Variants in FBXW8 observed in about 807,000 individuals in gnomAD.
FBXW8 encodes the protein F-box/WD repeat-containing protein 8.
Under a neutral mutation model 65.3 loss-of-function variants are expected in FBXW8, and 57 were observed. That is an observed-to-expected ratio of 0.87 (90% confidence interval 0.71 to 1.09). FBXW8 has a LOEUF of 1.09. Ranked by LOEUF, FBXW8 falls within the 50% of genes least tolerant of loss-of-function variation. FBXW8 has a pLI of 0.00. For missense variants in FBXW8, 777 were observed against 814.8 expected (o/e 0.95, Z 0.57); for synonymous variants, 308 against 330.2 (o/e 0.93, Z 0.73).
chr12:116,981,764 C>T (rs1382990524), intron 5 of FBXW8, among the ~76,000 whole-genome samples: 2 of 152,010 alleles, frequency 1.3e-5, no homozygotes, highest in Non-Finnish European at 2.9e-5. Flanking sequence ...CAGGTGCCCA[C>T]CACAATGACT....
intron 4 of FBXW8, among the ~76,000 whole-genome samples, chr12:116,956,469 T>C (rs540034736): frequency 1.3e-5 from 2 of 152,142 alleles, no homozygotes; most frequent in Admixed American, 6.5e-5. Context: ...GATTCAAATA[T>C]GTTTTTATTT....
At position 116,985,278 on chromosome 12, in the gene FBXW8, A is replaced by G. The variant is rs147459619; in HGVS notation, c.908A>G (p.Gln303Arg). The change falls in exon 6 of 11, where the codon CAG becomes CGG. Residue 303 changes from glutamine to arginine, a missense_variant. Transcript: ENST00000652555. The stretch of plus-strand genomic sequence containing the variant: ...CGTTTTGAGCACGATGCAAGAATAC[A>G]GGCACTAGCCCTCAGCCAGGACGAT... The part of the protein sequence containing the change: ...VHRFEHDARI[Q>R]ALALSQDDAT... The G allele has an allele frequency of 2.7e-5, 44 of 1,614,212 alleles. No individual in the cohort carries two copies. Among genetic ancestry groups the G allele is most frequent in the Non-Finnish European group, 3.6e-5 (42 of 1,180,030 alleles).
At chr12:116,974,940 A>T (rs1483185344) in intron 5 of FBXW8, among the ~76,000 whole-genome samples, 3 of 152,254 alleles carry the variant, frequency 2.0e-5, no homozygotes, top group African/African-American at 7.2e-5. Flanking sequence ...TCTATAGGAC[A>T]GTAGAACTAA....
In FBXW8 at chr12:116,936,697, A is replaced by T. The variant is rs896230298; in HGVS notation, c.423+8570A>T. On this transcript the variant is annotated intron_variant, in intron 2 of 10. Transcript: ENST00000652555. This position sits in a 1 kb window ranked among gnomAD's most constrained non-coding sequence, Gnocchi z 4.6. ...TTTTACACTTCTGGTCTCCGGAACT[A>T]TAAGCGAATAAATCTGTATTGTTTT... 3.9e-4 allele frequency among the ~76,000 whole-genome samples: 60 copies of T among 152,324 alleles called. No individual in the cohort carries two copies. Among genetic ancestry groups the T allele is most frequent in the African/African-American group, 1.4e-3 (58 of 41,572 alleles).
chr12:116,941,031 T>C (rs1203765883), intron 2 of FBXW8, among the ~76,000 whole-genome samples: 3 of 152,246 alleles, frequency 2.0e-5, no homozygotes, highest in African/African-American at 7.2e-5. Flanking sequence ...TTTGAGGGAC[T>C]GTCAGGTGGA....
At chr12:117,009,695 T>C (rs111631375) in intron 7 of FBXW8, among the ~76,000 whole-genome samples, 3,609 of 152,284 alleles carry the variant, frequency 0.024, 148 homozygotes, top group African/African-American at 0.082. Flanking sequence ...TAACAGTGCA[T>C]TGTCTGGAAA....
chr12:116,998,244 G>A (rs1010266264), intron 7 of FBXW8, among the ~76,000 whole-genome samples: 61 of 152,192 alleles, frequency 4.0e-4, no homozygotes, highest in African/African-American at 1.2e-3. Flanking sequence ...TTCAAGATGC[G>A]AAGCCTTATT....
chr12:116,913,722 C>G lies in FBXW8; in HGVS notation c.318+2367C>G, dbSNP rs180697232. Among the ~76,000 whole-genome samples, 65 of 152,226 alleles carry G rather than the reference C, an allele frequency of 4.3e-4. No individual in the cohort carries two copies. The East Asian group carries it at 0.01, about 24-fold the overall frequency. ...TCGATGCAACGTTTATGGAAAAAAC[C>G]TGCATACAAGTGGACCCACGCGGTT... On this transcript the variant is annotated intron_variant, in intron 1 of 10. Transcript: ENST00000652555.
chr12:116,966,602 G>A (rs1453308996), intron 5 of FBXW8, among the ~76,000 whole-genome samples: 1 of 152,202 alleles, frequency 6.6e-6, no homozygotes, highest in Non-Finnish European at 1.5e-5. Flanking sequence ...AATACAGCTT[G>A]AGGTGATGTG....
chr12:117,024,347 G>A, intron 9 of FBXW8, 27 bp downstream of exon 9: 6 of 1,612,974 alleles, frequency 3.7e-6, no homozygotes, highest in Non-Finnish European at 5.1e-6. Flanking sequence ...ACACTCTTGG[G>A]AGTTCCTAGT....
chr12:116,922,871 G>A (rs1405603841), intron 1 of FBXW8, among the ~76,000 whole-genome samples: 1 of 151,884 alleles, frequency 6.6e-6, no homozygotes, highest in African/African-American at 2.4e-5. Flanking sequence ...TGCCTATGAT[G>A]TATGGTTGTG....
intron 3 of FBXW8, among the ~76,000 whole-genome samples, chr12:116,947,759 A>G (rs1171543149): frequency 1.3e-5 from 2 of 150,638 alleles, no homozygotes; most frequent in East Asian, 3.9e-4. Context: ...AAAAAAGAAA[A>G]GAAAGAAAGA....
intron 5 of FBXW8, among the ~76,000 whole-genome samples, chr12:116,968,341 G>A (rs1244868162): frequency 6.6e-6 from 1 of 152,072 alleles, no homozygotes; most frequent in Non-Finnish European, 1.5e-5. Context: ...GAAAATATGA[G>A]TGTGTATATT....
At chr12:117,021,393 GGACT>G (rs1174685252) in intron 8 of FBXW8, among the ~76,000 whole-genome samples, 6 of 151,940 alleles carry the variant, frequency 3.9e-5, no homozygotes, top group African/African-American at 7.3e-5. Flanking sequence ...GTTTATCATT[GGACT>G]GACTTTCTGA....
chr12:116,958,253 C>T (rs1352276321), intron 4 of FBXW8, among the ~76,000 whole-genome samples: 1 of 152,142 alleles, frequency 6.6e-6, no homozygotes, highest in Non-Finnish European at 1.5e-5. Flanking sequence ...ACAACCCCAT[C>T]GTGTTTCATA....
intron 6 of FBXW8, chr12:116,985,707 C>G (rs1309585976): frequency 3.8e-6 from 1 of 263,630 alleles, no homozygotes; most frequent in Non-Finnish European, 7.2e-6. Context: ...CCTTGGCCTT[C>G]TTCAGACTAA....
chr12:116,971,404 T>C (rs565999531), intron 5 of FBXW8, among the ~76,000 whole-genome samples: 6 of 151,764 alleles, frequency 4.0e-5, no homozygotes, highest in Non-Finnish European at 5.9e-5. Context: ...GTTTTGGTGT[T>C]TAAGAAATCC....
intron 9 of FBXW8, 91 bp downstream of exon 9, chr12:117,024,411 C>A: frequency 1.4e-6 from 2 of 1,463,028 alleles, no homozygotes; most frequent in East Asian, 2.3e-5. Flanking sequence ...TGCTAAATGC[C>A]CCCTACCCCC....
At chr12:117,019,336 T>C (rs934369601) in intron 8 of FBXW8, among the ~76,000 whole-genome samples, 42 of 152,226 alleles carry the variant, frequency 2.8e-4, no homozygotes, top group African/African-American at 9.4e-4. Context: ...AAAGGTTCAG[T>C]GGCCAGTCCG....
Sources: allele counts gnomAD v4.1 joint callset (sites outside exome capture counted in the v4.1 genomes callset), GRCh38; gene constraint gnomAD v4.1.1; non-coding constraint Gnocchi (gnomAD v3.1); transcripts MANE v1.5; gene names NCBI Gene and HGNC (gene_info 2026-07-23, HGNC 2026-07-21).